The following HS2ST1 variants were observed in gnomAD, a reference collection of about 807,000 sequenced individuals.
HS2ST1 encodes the protein 2-O-sulfotransferase.
In HS2ST1, 18 loss-of-function variants were observed where a neutral mutation model predicts 42.9. The observed-to-expected ratio is 0.42, with a 90% CI of 0.29 to 0.62. The LOEUF (loss-of-function observed/expected upper bound fraction) is 0.62. HS2ST1 is among the 20% of genes least tolerant of loss of function. HS2ST1 has a pLI of 0.21. For missense variants in HS2ST1, 334 were observed against 433.8 expected, an observed-to-expected ratio of 0.77 and a Z score of 2.04; for synonymous variants, 146 against 152.9, an observed-to-expected ratio of 0.95 and a Z score of 0.33.
chr1:87,043,116 T>G (rs1650562454), intron 1 of HS2ST1, among the ~76,000 whole-genome samples: 1 of 152,054 alleles, frequency 6.6e-6, no homozygotes, highest in Non-Finnish European at 1.5e-5. Context: ...TAGAGAACCG[T>G]TTTATTAATT....
rs182482384 is a variant in HS2ST1 at position 86,982,398 on chromosome 1, A to G, written c.124+67238A>G. ...AAAATGACTTTTTCTTTTCTACCAC[A>G]AGTCAGGCTGCAGATTTTCCAAACC... On this transcript the variant is annotated intron_variant, in intron 1 of 6. Coordinates refer to ENST00000370550, the MANE Select transcript of HS2ST1 (RefSeq NM_012262.4). Among the ~76,000 whole-genome samples, 847 of 152,236 alleles carry G rather than the reference A, an allele frequency of 5.6e-3. 12 individuals carry two copies. The highest frequency in any genetic ancestry group is 4.0e-3 in the Non-Finnish European group (273 of 68,010).
intron 1 of HS2ST1, among the ~76,000 whole-genome samples, chr1:86,981,585 C>T (rs1023246057): frequency 3.3e-5 from 5 of 152,222 alleles, no homozygotes; most frequent in African/African-American, 1.2e-4. Context: ...CCATGCAAGT[C>T]AGAAACCCGG....
chr1:87,049,459 T>G (rs1355707617), intron 1 of HS2ST1, among the ~76,000 whole-genome samples: 2 of 152,068 alleles, frequency 1.3e-5, no homozygotes, highest in East Asian at 3.8e-4. Flanking sequence ...ATCTTACAAT[T>G]TTGATGTTTT....
At chr1:87,041,286 G>C (rs1025466955) in intron 1 of HS2ST1, among the ~76,000 whole-genome samples, 1 of 148,866 alleles carries the variant, frequency 6.7e-6, no homozygotes, top group African/African-American at 2.5e-5. Context: ...TACTCCAGAG[G>C]ATGAGGTGGG....
intron 1 of HS2ST1, among the ~76,000 whole-genome samples, chr1:86,978,992 G>A (rs965081575): frequency 2.0e-5 from 3 of 151,366 alleles, no homozygotes; most frequent in African/African-American, 7.3e-5. Context: ...ACCCCAAGTA[G>A]CTGGGATTAC....
At chr1:87,032,032 A>G (rs1027300786) in intron 1 of HS2ST1, among the ~76,000 whole-genome samples, 1 of 152,210 alleles carries the variant, frequency 6.6e-6, no homozygotes, top group Non-Finnish European at 1.5e-5. Context: ...ATTATTAAAA[A>G]TGATTGCAGG....
intron 1 of HS2ST1, among the ~76,000 whole-genome samples, chr1:87,066,247 G>T (rs146975205): frequency 6.6e-6 from 1 of 152,182 alleles, no homozygotes; most frequent in South Asian, 2.1e-4. Context: ...ACGTGGAAAA[G>T]CATCAAGCTC....
At chr1:87,060,167 A>G (rs1651082114) in intron 1 of HS2ST1, among the ~76,000 whole-genome samples, 1 of 152,144 alleles carries the variant, frequency 6.6e-6, no homozygotes. Context: ...AGTTGCAAAG[A>G]TAGTACAGCA....
In HS2ST1 at chr1:87,104,467, T is replaced by A; in HGVS notation, c.845-3T>A. The stretch of plus-strand genomic sequence containing the variant: ...TTTCCTTTTTTTCCCCCTTTGTAAG[T>A]AGGAAAGAAATCTCATCTTAGGAAA... On this transcript the variant is annotated splice_region_variant and splice_polypyrimidine_tract_variant and intron_variant, in intron 6 of 6. Transcript: ENST00000370550. 1 of 1,585,248 alleles carries A rather than the reference T, an allele frequency of 6.3e-7. No individual in the cohort carries two copies. Among genetic ancestry groups the A allele is most frequent in the South Asian group, 1.1e-5 (1 of 89,192 alleles).
At position 86,985,383 on chromosome 1, in the gene HS2ST1, TACACACACAC is replaced by T. The variant is rs1318154258; in HGVS notation, c.124+70231_124+70240del. ...AAAAAAAAAAGTATATATATATATA[TACACACACAC>T]ACACACATATATATACACATATATA... On this transcript the variant is annotated intron_variant, in intron 1 of 6. Transcript: ENST00000370550. Among the ~76,000 whole-genome samples the T allele has an allele frequency of 4.5e-5, 2 of 44,752 alleles. 1 individual carries two copies. The highest frequency in any genetic ancestry group is 1.1e-4 in the Non-Finnish European group (2 of 18,394). The allele number at this position is 44,752 out of a possible 152,430, so 29.4% of individuals were successfully genotyped here.
chr1:86,978,859 A>ATT (rs1570460186), intron 1 of HS2ST1, among the ~76,000 whole-genome samples: 3 of 67,486 alleles, frequency 4.4e-5, no homozygotes, highest in African/African-American at 4.4e-5. Context: ...TTACTTGTGA[A>ATT]TCTTTTTTTT....
rs36109552 is a variant in HS2ST1, at chr1:86,984,039, CAA to C, written c.124+68892_124+68893del. Among the ~76,000 whole-genome samples, 153 of 145,118 alleles carry C rather than the reference CAA, an allele frequency of 1.1e-3. 1 individual carries two copies. The highest frequency in any genetic ancestry group is 3.8e-3 in the African/African-American group (149 of 38,920). The stretch of plus-strand genomic sequence containing the variant: ...TGGGTGACAGAGCAAGGCTCCATCT[CAA>C]AAAAAAAAAAAATTTCAACTTAGTA... On this transcript the variant is annotated intron_variant, in intron 1 of 6. Transcript: ENST00000370550.
chr1:87,074,874 C>T (rs1010231970), intron 2 of HS2ST1, among the ~76,000 whole-genome samples: 1 of 152,168 alleles, frequency 6.6e-6, no homozygotes, highest in Non-Finnish European at 1.5e-5. Context: ...GAGTAACTTA[C>T]TTAACAAATG....
At chr1:87,091,322 G>A (rs1651935419) in intron 3 of HS2ST1, among the ~76,000 whole-genome samples, 1 of 151,926 alleles carries the variant, frequency 6.6e-6, no homozygotes, top group African/African-American at 2.4e-5. Flanking sequence ...GATAAAAGAG[G>A]CCAACCTAAC....
intron 2 of HS2ST1, among the ~76,000 whole-genome samples, chr1:87,075,484 A>T (rs561389801): frequency 1.9e-4 from 29 of 152,092 alleles, no homozygotes; most frequent in Admixed American, 1.2e-3. Context: ...AATTAAATGA[A>T]CTATTTTGCT....
At chr1:86,937,167 T>C (rs925113572) in intron 1 of HS2ST1, among the ~76,000 whole-genome samples, 2 of 152,050 alleles carry the variant, frequency 1.3e-5, no homozygotes, top group Admixed American at 6.5e-5. Flanking sequence ...TTAAACACTA[T>C]TTGCAAACTG....
chr1:87,042,651 G>C (rs1272850058), intron 1 of HS2ST1, among the ~76,000 whole-genome samples: 1 of 151,954 alleles, frequency 6.6e-6, no homozygotes, highest in Non-Finnish European at 1.5e-5. Flanking sequence ...AAACATAAAG[G>C]CCCTTTTCTT....
chr1:87,059,373 T>G (rs990399737), intron 1 of HS2ST1, among the ~76,000 whole-genome samples: 3 of 152,220 alleles, frequency 2.0e-5, no homozygotes, highest in Non-Finnish European at 4.4e-5. Flanking sequence ...TTTTCTCCAA[T>G]TCTTGGATCC....
At chr1:87,052,067 A>G (rs1650848521) in intron 1 of HS2ST1, among the ~76,000 whole-genome samples, 1 of 152,162 alleles carries the variant, frequency 6.6e-6, no homozygotes, top group Non-Finnish European at 1.5e-5. Context: ...AGCCTGGGCA[A>G]CATGCTGAAA....
Sources: gnomAD v4.1 joint callset for allele counts (sites outside exome capture counted in the v4.1 genomes callset) on GRCh38, gnomAD v4.1.1 for gene constraint, MANE v1.5 for transcripts, NCBI Gene and HGNC (gene_info 2026-07-23, HGNC 2026-07-21) for gene names.